ATRNL1: variants seen among roughly 807,000 people sequenced by gnomAD.
ATRNL1 encodes attractin-like protein 1.
A neutral mutation model predicts 182.7 loss-of-function variants in ATRNL1; 95 were observed. That is an observed-to-expected ratio of 0.52 (90% confidence interval 0.44 to 0.62). The LOEUF (loss-of-function observed/expected upper bound fraction) is 0.62, where lower values mean the gene tolerates loss of function less well. Ranked by LOEUF, ATRNL1 falls within the 20% of genes least tolerant of loss-of-function variation. ATRNL1 has a pLI of 0.00. For missense variants in ATRNL1, 1,471 were observed against 1,679.5 expected (o/e 0.88, Z 2.17); for synonymous variants, 576 against 568.3 (o/e 1.01, Z -0.19).
At position 115,552,227 on chromosome 10, in the gene ATRNL1, A is replaced by G. The variant is rs962558584; in HGVS notation, c.3795+2691A>G. Among the ~76,000 whole-genome samples the G allele has an allele frequency of 9.2e-5, 14 of 151,404 alleles. No homozygotes were observed. In the Middle Eastern group the frequency reaches 0.01, roughly 110 times the overall value. ...AGTTATGTGATAATTCCATTTATAG[A>G]CTTTATGTGAGTGGAGGTAAAAATG... On this transcript the variant is annotated intron_variant, in intron 26 of 28. Coordinates refer to ENST00000355044, the MANE Select transcript of ATRNL1 (RefSeq NM_207303.4).
chr10:115,814,403 G>T (rs149387400), intron 27 of ATRNL1, among the ~76,000 whole-genome samples: 69 of 152,100 alleles, frequency 4.5e-4, no homozygotes, highest in Non-Finnish European at 8.4e-4. Flanking sequence ...TATTCCAGTG[G>T]TTCCTTTAAT....
chr10:115,702,840 A>G (rs1240998743), intron 26 of ATRNL1, among the ~76,000 whole-genome samples: 4 of 151,670 alleles, frequency 2.6e-5, no homozygotes, highest in African/African-American at 9.7e-5. Flanking sequence ...ATCAATATCT[A>G]CTGCCCAAAA....
intron 26 of ATRNL1, among the ~76,000 whole-genome samples, chr10:115,670,325 C>A (rs1407892046): frequency 1.3e-5 from 2 of 152,060 alleles, no homozygotes; most frequent in Non-Finnish European, 2.9e-5. Context: ...AATGAAAGCA[C>A]ATTTGCTCAT....
intron 27 of ATRNL1, among the ~76,000 whole-genome samples, chr10:115,822,521 G>T (rs557468778): frequency 2.0e-5 from 3 of 152,184 alleles, no homozygotes; most frequent in East Asian, 1.9e-4. Flanking sequence ...TAACAAAATA[G>T]ATAGGCCACT....
rs1219172977 is a variant in ATRNL1, at chr10:115,527,984, C to T, written c.3716+8660C>T. 8.4e-3 allele frequency among the ~76,000 whole-genome samples: 211 copies of T among 25,004 alleles called. 26 individuals carry two copies. Among genetic ancestry groups the T allele is most frequent in the African/African-American group, 0.041 (201 of 4,890 alleles). 16.4% of individuals were successfully genotyped at this position (25,004 alleles called of 152,430 possible). On this transcript the variant is annotated intron_variant, in intron 25 of 28. Transcript: ENST00000355044. ...TCCCTCCCTCCCTCCTTCCCTCCCT[C>T]CCTCCCTCCCTCCCTTCCTTCCTTC...
chr10:115,355,587 A>G (rs1289737459), intron 19 of ATRNL1, among the ~76,000 whole-genome samples: 2 of 152,128 alleles, frequency 1.3e-5, no homozygotes, highest in Non-Finnish European at 2.9e-5. Flanking sequence ...TATTTGTAAA[A>G]CAAAAGATGT....
At chr10:115,376,508 G>T (rs1475260664) in intron 19 of ATRNL1, among the ~76,000 whole-genome samples, 3 of 151,894 alleles carry the variant, frequency 2.0e-5, no homozygotes, top group Non-Finnish European at 4.4e-5. Flanking sequence ...ACGGATGCAT[G>T]CTACCACATC....
intron 28 of ATRNL1, among the ~76,000 whole-genome samples, chr10:115,892,313 C>A (rs1371403542): frequency 2.0e-5 from 3 of 152,024 alleles, no homozygotes; most frequent in Non-Finnish European, 4.4e-5. Context: ...GTGTAAGAGA[C>A]TGTTTACCCA....
At chr10:115,694,052 C>T (rs1946476007) in intron 26 of ATRNL1, among the ~76,000 whole-genome samples, 1 of 151,920 alleles carries the variant, frequency 6.6e-6, no homozygotes, top group Non-Finnish European at 1.5e-5. Context: ...TATAGTAACC[C>T]ATGTATAATC....
chr10:115,557,373 G>T (rs1189656739), intron 26 of ATRNL1, among the ~76,000 whole-genome samples: 1 of 152,090 alleles, frequency 6.6e-6, no homozygotes, highest in Non-Finnish European at 1.5e-5. Flanking sequence ...ATTAAGCCCT[G>T]AGACATTCAA....
rs782457672 is a variant in ATRNL1, at chr10:115,187,677, T to G, written c.1348+16385T>G. Among the ~76,000 whole-genome samples, 128 of 145,336 alleles carry G rather than the reference T, an allele frequency of 8.8e-4. 1 individual carries two copies. The highest frequency in any genetic ancestry group is 6.9e-3 in the Middle Eastern group (2 of 288). ...ATAGAAAGAGGGTGCTTGGTTTTTTTTTTTTTTTTTTTTCTTTTTTCTTTT... is the reference window on the plus strand; with the variant it reads ...ATAGAAAGAGGGTGCTTGGTTTTTTGTTTTTTTTTTTTTCTTTTTTCTTTT... On this transcript the variant is annotated intron_variant, in intron 8 of 28. Transcript: ENST00000355044.
At chr10:115,927,861 C>T (rs1422209128) in intron 28 of ATRNL1, among the ~76,000 whole-genome samples, 1 of 152,062 alleles carries the variant, frequency 6.6e-6, no homozygotes, top group Non-Finnish European at 1.5e-5. Context: ...TCAAACTGTG[C>T]TCTCAAAACC....
At chr10:115,103,580 C>T (rs1442777997) in intron 1 of ATRNL1, among the ~76,000 whole-genome samples, 2 of 152,062 alleles carry the variant, frequency 1.3e-5, no homozygotes, top group African/African-American at 4.8e-5. Flanking sequence ...CTAATAACCA[C>T]ATCAGGGTAA....
chr10:115,549,435 A>C, intron 25 of ATRNL1, 23 bp from the exon 26 acceptor site: 1 of 1,564,538 alleles, frequency 6.4e-7, no homozygotes, highest in Non-Finnish European at 8.7e-7. Context: ...TTGAGCAAAA[A>C]TTATTTGTGT....
chr10:115,837,466 C>CCA (rs71010052), intron 27 of ATRNL1, among the ~76,000 whole-genome samples: 313 of 134,992 alleles, frequency 2.3e-3, no homozygotes, highest in African/African-American at 7.5e-3. Context: ...GCTTCCCAAG[C>CCA]CACACACACA....
At chr10:115,696,198 CACA>C (rs139896827) in intron 26 of ATRNL1, among the ~76,000 whole-genome samples, 3,416 of 152,322 alleles carry the variant, frequency 0.022, 137 homozygotes, top group African/African-American at 0.077. Flanking sequence ...CGCACCCTGT[CACA>C]ACATTTTCTT....
chr10:115,420,012 T>C (rs1845578907), intron 20 of ATRNL1, among the ~76,000 whole-genome samples: 1 of 151,260 alleles, frequency 6.6e-6, no homozygotes, highest in African/African-American at 2.4e-5. Context: ...ATAGATTATA[T>C]GTAAGGGCAC....
At chr10:115,532,956 G>T (rs1245701833) in intron 25 of ATRNL1, among the ~76,000 whole-genome samples, 4 of 150,780 alleles carry the variant, frequency 2.7e-5, no homozygotes, top group South Asian at 2.1e-4. Context: ...GCATCCCAGG[G>T]ATGAAGCCCA....
intron 10 of ATRNL1, among the ~76,000 whole-genome samples, chr10:115,255,949 G>A (rs572143210): frequency 9.9e-5 from 15 of 152,116 alleles, no homozygotes; most frequent in Non-Finnish European, 1.9e-4. Context: ...TTATTGATTT[G>A]CATACGTTGA....
Sources: allele counts gnomAD v4.1 joint callset (sites outside exome capture counted in the v4.1 genomes callset), GRCh38; gene constraint gnomAD v4.1.1; transcripts MANE v1.5; gene names NCBI Gene and HGNC (gene_info 2026-07-23, HGNC 2026-07-21).